Variants in ATXN1 observed in about 807,000 individuals in gnomAD.
ATXN1 encodes ataxin 1.
ATXN1 carries 8 observed loss-of-function variants against 56.4 expected under a neutral mutation model. That is an observed-to-expected ratio of 0.14 (90% CI 0.08 to 0.26). ATXN1 has a LOEUF of 0.26. ATXN1 is among the 10% of genes least tolerant of loss of function. The pLI is 1.00. For synonymous variants in ATXN1, 514 were observed against 494.6 expected, an observed-to-expected ratio of 1.04 and a Z score of -0.52; for missense variants, 987 against 1,106.5, an observed-to-expected ratio of 0.89 and a Z score of 1.53.
At chr6:16,736,664 A>G (rs1294858930) in intron 2 of ATXN1, among the ~76,000 whole-genome samples, 1 of 152,248 alleles carries the variant, frequency 6.6e-6, no homozygotes. Context: ...GTCTGCACGT[A>G]TATCGCAAAG....
chr6:16,355,518 C>G (rs936536887), intron 6 of ATXN1, among the ~76,000 whole-genome samples: 2 of 151,784 alleles, frequency 1.3e-5, no homozygotes, highest in Non-Finnish European at 2.9e-5. Flanking sequence ...TGACATTTTT[C>G]TCTGCTCAAT....
intron 4 of ATXN1, among the ~76,000 whole-genome samples, chr6:16,561,688 G>A (rs1360520488): frequency 6.6e-6 from 1 of 152,204 alleles, no homozygotes; most frequent in Non-Finnish European, 1.5e-5. Context: ...TTGAGATTAT[G>A]TCATAAGGAG....
At position 16,386,348 on chromosome 6, in the gene ATXN1, G is replaced by A. The variant is rs184291559; in HGVS notation, c.-160-57878C>T. 7.2e-5 allele frequency among the ~76,000 whole-genome samples: 11 copies of A among 152,238 alleles called. No homozygotes were observed. In the East Asian group the frequency reaches 1.2e-3, roughly 16 times the overall value. On this transcript the variant is annotated intron_variant, in intron 6 of 7. Coordinates refer to ENST00000436367, the MANE Select transcript of ATXN1 (RefSeq NM_001128164.2). ...GTCTGCTGGGTAGTGGTGACAGCGC[G>A]TTAACCATAAAAAAATGGGGAGTTC...
At chr6:16,395,491 T>G (rs1249510213) in intron 6 of ATXN1, among the ~76,000 whole-genome samples, 1 of 152,144 alleles carries the variant, frequency 6.6e-6, no homozygotes, top group African/African-American at 2.4e-5. Flanking sequence ...TTCTACTGCC[T>G]ACTGATGCTG....
At chr6:16,731,454 CTTTTTTTTTTTTTTTTTTTTTTTTTT>C (rs71559655) in intron 2 of ATXN1, among the ~76,000 whole-genome samples, 6 of 81,756 alleles carry the variant, frequency 7.3e-5, no homozygotes, top group Non-Finnish European at 1.2e-4. Flanking sequence ...TTTTTCTTTT[CTTTTTTTTTTTTTTTTTTTTTTTTTT>C]TTTAATAAAA....
At chr6:16,761,163 T>G in intron 1 of ATXN1, 135 bp downstream of exon 1, 1 of 365,286 alleles carries the variant, frequency 2.7e-6, no homozygotes. Flanking sequence ...GATTGGGGTT[T>G]TGGGTTTGTT....
chr6:16,528,681 C>T (rs1322209528), intron 4 of ATXN1, among the ~76,000 whole-genome samples: 1 of 152,066 alleles, frequency 6.6e-6, no homozygotes, highest in Non-Finnish European at 1.5e-5. Flanking sequence ...TTAATCCTGA[C>T]AAAATCTCTG....
chr6:16,542,651 C>T (rs1761736953), intron 4 of ATXN1, among the ~76,000 whole-genome samples: 2 of 152,118 alleles, frequency 1.3e-5, no homozygotes, highest in South Asian at 4.1e-4. Flanking sequence ...CTAAGAAATG[C>T]CACAATTGTG....
At chr6:16,307,188 C>T (rs1760271184) in intron 7 of ATXN1, among the ~76,000 whole-genome samples, 1 of 152,242 alleles carries the variant, frequency 6.6e-6, no homozygotes, top group Non-Finnish European at 1.5e-5. Flanking sequence ...ACAGAGCACC[C>T]ACTTAGCTTT....
chr6:16,714,158 A>T (rs1759584674), intron 2 of ATXN1, among the ~76,000 whole-genome samples: 1 of 85,356 alleles, frequency 1.2e-5, no homozygotes, highest in Non-Finnish European at 2.2e-5. Flanking sequence ...GTAGAAAAAA[A>T]GAAAGAAAAA....
intron 4 of ATXN1, among the ~76,000 whole-genome samples, chr6:16,569,519 T>A (rs1419900919): frequency 8.7e-6 from 1 of 115,060 alleles, no homozygotes; most frequent in African/African-American, 3.1e-5. Flanking sequence ...AGAGTGAGAC[T>A]CCGTCTCAGA....
chr6:16,726,090 A>G (rs1759842324), intron 2 of ATXN1, among the ~76,000 whole-genome samples: 1 of 152,194 alleles, frequency 6.6e-6, no homozygotes, highest in African/African-American at 2.4e-5. Context: ...TGTAAGAGGG[A>G]GGGGTTCCAG....
intron 6 of ATXN1, among the ~76,000 whole-genome samples, chr6:16,415,521 C>T (rs1758884511): frequency 6.6e-6 from 1 of 152,214 alleles, no homozygotes; most frequent in African/African-American, 2.4e-5. Context: ...TGAGCCACCG[C>T]GCCCAGCCCA....
chr6:16,492,506 T>C (rs1561724190), intron 5 of ATXN1, among the ~76,000 whole-genome samples: 2 of 150,694 alleles, frequency 1.3e-5, no homozygotes, highest in Non-Finnish European at 2.9e-5. Flanking sequence ...ACTATATTTG[T>C]AGTTTGTCAT....
intron 4 of ATXN1, among the ~76,000 whole-genome samples, chr6:16,584,237 TATATATACACACAC>T (rs1302401570): frequency 7.7e-6 from 1 of 129,226 alleles, no homozygotes; most frequent in Non-Finnish European, 1.6e-5. Context: ...TATATATATA[TATATATACACACAC>T]ACACACACAC....
At chr6:16,584,918 A>T (rs1762595849) in intron 4 of ATXN1, among the ~76,000 whole-genome samples, 1 of 152,172 alleles carries the variant, frequency 6.6e-6, no homozygotes. Flanking sequence ...CAGAGCTATA[A>T]GAATATTTTT....
chr6:16,329,306 G>A (rs1011359603), intron 6 of ATXN1, among the ~76,000 whole-genome samples: 12 of 152,030 alleles, frequency 7.9e-5, no homozygotes, highest in African/African-American at 2.9e-4. Context: ...CCTTGCACTC[G>A]ATTTCTGAAT....
chr6:16,712,778 A>T (rs1337178046), intron 2 of ATXN1, among the ~76,000 whole-genome samples: 1 of 151,776 alleles, frequency 6.6e-6, no homozygotes, highest in Admixed American at 6.6e-5. Context: ...TCTAGGGCTA[A>T]CGTCCTGCCT....
chr6:16,309,133 G>C (rs922384946), intron 7 of ATXN1, among the ~76,000 whole-genome samples: 1 of 151,386 alleles, frequency 6.6e-6, no homozygotes, highest in African/African-American at 2.4e-5. Flanking sequence ...AGGAGGCTGA[G>C]GCAGGAGGAT....
Sources: allele counts gnomAD v4.1 joint callset (sites outside exome capture counted in the v4.1 genomes callset), GRCh38; gene constraint gnomAD v4.1.1; transcripts MANE v1.5; gene names NCBI Gene and HGNC (gene_info 2026-07-23, HGNC 2026-07-21).